The following SLC22A24 variants were observed in gnomAD, a reference collection of about 807,000 sequenced individuals.
SLC22A24 encodes the protein steroid transmembrane transporter SLC22A24.
A neutral mutation model predicts 49.8 loss-of-function variants in SLC22A24; 53 were observed. The observed-to-expected ratio is 1.06, with a 90% confidence interval of 0.85 to 1.34. The LOEUF is 1.34. SLC22A24 is among the 40% of genes most tolerant of loss of function. SLC22A24 has a pLI of 0.00. For synonymous variants in SLC22A24, 302 were observed against 256.4 expected (o/e 1.18, Z -1.70); for missense variants, 786 against 675.9 (o/e 1.16, Z -1.81).
intron 5 of SLC22A24, 92 bp from the exon 6 acceptor site, chr11:63,096,198 G>C (rs1470525795): frequency 1.3e-5 from 10 of 794,052 alleles, no homozygotes; most frequent in Non-Finnish European, 1.9e-5. Flanking sequence ...TAGACATATT[G>C]TAAACTATCC....
rs1030741466 is a variant in SLC22A24 at position 63,096,135 on chromosome 11, T to A, written c.955-29A>T. 4.3e-6 allele frequency: 6 copies of A among 1,387,336 alleles called. No individual in the cohort carries two copies. In the African/African-American group the frequency reaches 8.6e-5, roughly 20 times the overall value. 85.9% of individuals were successfully genotyped at this position (1,387,336 alleles called of 1,614,324 possible). On this transcript the variant is annotated intron_variant, in intron 5 of 9. Coordinates refer to ENST00000612278, the MANE Select transcript of SLC22A24 (RefSeq NM_001136506.2). ...CAGCAACAAAAATAACAACAAGCAT[T>A]TGTGAGATGTCAATAATGTGTCAGG...
At chr11:63,107,933 C>T (rs1020580662) in intron 4 of SLC22A24, among the ~76,000 whole-genome samples, 3 of 152,066 alleles carry the variant, frequency 2.0e-5, no homozygotes, top group Non-Finnish European at 4.4e-5. Flanking sequence ...ATTTCCTTCT[C>T]CTGCCTAATT....
At chr11:63,085,249 C>T (rs2086980780) in intron 6 of SLC22A24, among the ~76,000 whole-genome samples, 1 of 151,610 alleles carries the variant, frequency 6.6e-6, no homozygotes, top group African/African-American at 2.4e-5. Context: ...AGATAAATAC[C>T]AATGTAGCAA....
chr11:63,121,919 T>A (rs2134669295), intron 2 of SLC22A24, among the ~76,000 whole-genome samples: 1 of 151,920 alleles, frequency 6.6e-6, no homozygotes, highest in Non-Finnish European at 1.5e-5. Flanking sequence ...CTTGAAGAAA[T>A]AAAAACATTA....
In SLC22A24 at chr11:63,143,647, G is replaced by A; in HGVS notation, c.133C>T (p.Pro45Ser). 1 of 1,599,684 alleles carries A rather than the reference G, an allele frequency of 6.3e-7. No individual in the cohort carries two copies. The highest frequency in any genetic ancestry group is 8.5e-7 in the Non-Finnish European group (1 of 1,173,430). ...AGGGGGACCCAGCAGCGATGACTAGGGGTGAATGCAGTGAAGTTCTCCAAC... is the reference window on the plus strand; with the variant it reads ...AGGGGGACCCAGCAGCGATGACTAGAGGTGAATGCAGTGAAGTTCTCCAAC... ...IVLENFTAFT[P>S]SHRCWVPLLD... The change falls in exon 1 of 10, where the codon CCT becomes TCT. Residue 45 changes from proline to serine, a missense_variant. Physicochemically the swap from Pro to Ser is moderately conservative, Grantham distance 74 (BLOSUM62 -1). Transcript: ENST00000612278.
chr11:63,083,217 T>G (rs1249213961), intron 7 of SLC22A24, 26 bp downstream of exon 7: 1 of 1,537,526 alleles, frequency 6.5e-7, no homozygotes, highest in East Asian at 2.4e-5. Flanking sequence ...AACTACTTTC[T>G]TTCCTGAAAC....
chr11:63,118,335 G>C (rs1248870184), intron 4 of SLC22A24, among the ~76,000 whole-genome samples: 1 of 152,002 alleles, frequency 6.6e-6, no homozygotes, highest in African/African-American at 2.4e-5. Flanking sequence ...TTCAACAAAA[G>C]ATTCCCTAAA....
At chr11:63,117,307 C>T (rs549700165) in intron 4 of SLC22A24, among the ~76,000 whole-genome samples, 2 of 152,264 alleles carry the variant, frequency 1.3e-5, no homozygotes, top group East Asian at 1.9e-4. Flanking sequence ...AATCAGTATT[C>T]GTCATGTGTG....
intron 2 of SLC22A24, among the ~76,000 whole-genome samples, chr11:63,131,604 C>A (rs1029878132): frequency 6.6e-6 from 1 of 152,146 alleles, no homozygotes; most frequent in Non-Finnish European, 1.5e-5. Context: ...TGAATATTGG[C>A]CCCCAATCTT....
intron 2 of SLC22A24, among the ~76,000 whole-genome samples, chr11:63,126,144 G>A (rs1451344555): frequency 6.6e-6 from 1 of 152,080 alleles, no homozygotes; most frequent in South Asian, 2.1e-4. Flanking sequence ...CTTTTGCTGT[G>A]CAGAAGCTCT....
intron 6 of SLC22A24, among the ~76,000 whole-genome samples, chr11:63,091,976 AT>A (rs1484078462): frequency 2.6e-5 from 4 of 152,216 alleles, no homozygotes; most frequent in African/African-American, 9.6e-5. Flanking sequence ...CTGTTTGCAG[AT>A]GACATGATTG....
At chr11:63,113,059 T>TATATATACAC in intron 4 of SLC22A24, among the ~76,000 whole-genome samples, 75 of 2,610 alleles carry the variant, frequency 0.029, 31 homozygotes, top group Admixed American at 0.038. Flanking sequence ...TATATACATA[T>TATATATACAC]ATATATATAC....
chr11:63,097,523 A>T (rs1353453342), intron 5 of SLC22A24, among the ~76,000 whole-genome samples: 1 of 152,178 alleles, frequency 6.6e-6, no homozygotes, highest in Non-Finnish European at 1.5e-5. Flanking sequence ...CAACTCCTCA[A>T]GGATCTAGAA....
chr11:63,112,480 A>G (rs2087173262), intron 4 of SLC22A24, among the ~76,000 whole-genome samples: 1 of 151,942 alleles, frequency 6.6e-6, no homozygotes, highest in Non-Finnish European at 1.5e-5. Context: ...ATCGTGTGGG[A>G]GTCTAAGTCT....
intron 2 of SLC22A24, among the ~76,000 whole-genome samples, chr11:63,132,551 G>A (rs1165634778): frequency 6.6e-6 from 1 of 152,184 alleles, no homozygotes. Flanking sequence ...TTCAGCTGCA[G>A]GTCTGTTGGA....
chr11:63,091,458 A>G (rs1397379478), intron 6 of SLC22A24, among the ~76,000 whole-genome samples: 2 of 152,240 alleles, frequency 1.3e-5, no homozygotes, highest in Admixed American at 6.5e-5. Flanking sequence ...ACAACAAAAA[A>G]GAAAATTTCA....
At position 63,113,853 on chromosome 11, in the gene SLC22A24, CAAAA is replaced by C. The variant is rs376625916; in HGVS notation, c.830+5055_830+5058del. 5.0e-5 allele frequency among the ~76,000 whole-genome samples: 5 copies of C among 100,200 alleles called. No homozygotes were observed. The East Asian group carries it at 9.0e-4, about 18-fold the overall frequency. 65.7% of individuals were successfully genotyped at this position (100,200 alleles called of 152,430 possible). A position where few individuals can be genotyped will look rare whatever the true frequency, so the allele number is the denominator to read the frequency against. ...TGGGCAACAGCGTGAGACTCCATCT[CAAAA>C]AAAAAAAAAAAAAAGGAATGTTGAA... On this transcript the variant is annotated intron_variant, in intron 4 of 9. Coordinates refer to ENST00000612278, the MANE Select transcript of SLC22A24 (RefSeq NM_001136506.2).
chr11:63,107,415 G>A (rs2087128950), intron 4 of SLC22A24, among the ~76,000 whole-genome samples: 2 of 152,132 alleles, frequency 1.3e-5, no homozygotes, highest in Admixed American at 6.5e-5. Context: ...GGCAATGTGG[G>A]CTCTTTTTTG....
chr11:63,125,208 G>A (rs777252638), intron 2 of SLC22A24, among the ~76,000 whole-genome samples: 40 of 151,994 alleles, frequency 2.6e-4, no homozygotes, highest in Non-Finnish European at 4.7e-4. Flanking sequence ...TGCAGAATGT[G>A]CAGTTTTGTT....
Sources: gnomAD v4.1 joint callset for allele counts (sites outside exome capture counted in the v4.1 genomes callset) on GRCh38, gnomAD v4.1.1 for gene constraint, MANE v1.5 for transcripts, NCBI Gene and HGNC (gene_info 2026-07-23, HGNC 2026-07-21) for gene names.